SLC1A1: variants seen among roughly 807,000 people sequenced by gnomAD.
The protein encoded by SLC1A1 is solute carrier family 1 member 1.
Under a neutral mutation model 53.3 loss-of-function variants are expected in SLC1A1, and 43 were observed. The observed-to-expected ratio is 0.81, with a 90% CI of 0.63 to 1.04. SLC1A1 has a LOEUF of 1.04. Among genes scored for constraint, SLC1A1 ranks in the 50% least tolerant of loss-of-function variants. The probability of loss-of-function intolerance (pLI) is 0.00; values close to 1 mark genes in which losing one functional copy is unlikely to be tolerated. For missense variants in SLC1A1, 748 were observed against 664.9 expected (o/e 1.12, Z -1.37); for synonymous variants, 307 against 243.2 (o/e 1.26, Z -2.44).
intron 1 of SLC1A1, among the ~76,000 whole-genome samples, chr9:4,504,038 GC>G (rs1199940305): frequency 6.6e-6 from 1 of 152,172 alleles, no homozygotes; most frequent in Non-Finnish European, 1.5e-5. Flanking sequence ...CAGTTTTGAA[GC>G]CATTTTATTG....
intron 6 of SLC1A1, among the ~76,000 whole-genome samples, chr9:4,571,230 A>G (rs886234809): frequency 6.6e-6 from 1 of 152,160 alleles, no homozygotes; most frequent in East Asian, 1.9e-4. Context: ...GGGGCCTATC[A>G]GAGGGTAGAG....
intron 1 of SLC1A1, among the ~76,000 whole-genome samples, chr9:4,542,655 G>C (rs1414047125): frequency 6.6e-6 from 1 of 152,174 alleles, no homozygotes; most frequent in Non-Finnish European, 1.5e-5. Flanking sequence ...GTTTTTTAAA[G>C]TCCTGGGAAT....
chr9:4,561,343 T>A, intron 2 of SLC1A1, 106 bp from the exon 3 acceptor site: 1 of 781,728 alleles, frequency 1.3e-6, no homozygotes, highest in Admixed American at 1.7e-5. Flanking sequence ...TGTCTGTAGA[T>A]GAGAACGCCT....
At chr9:4,581,370 G>C (rs4742011) in intron 10 of SLC1A1, among the ~76,000 whole-genome samples, 6 of 152,086 alleles carry the variant, frequency 3.9e-5, no homozygotes, top group Non-Finnish European at 8.8e-5. Flanking sequence ...GCAGGAATAG[G>C]TTTTTATATT....
At chr9:4,515,365 A>T (rs1821128110) in intron 1 of SLC1A1, among the ~76,000 whole-genome samples, 1 of 152,114 alleles carries the variant, frequency 6.6e-6, no homozygotes. Context: ...GTACCAGGGG[A>T]CCCAGAATGA....
At chr9:4,522,018 C>T (rs374546541) in intron 1 of SLC1A1, among the ~76,000 whole-genome samples, 2 of 148,554 alleles carry the variant, frequency 1.3e-5, no homozygotes, top group African/African-American at 2.5e-5. Flanking sequence ...TCCAAGTATA[C>T]TTCTAATGAA....
At chr9:4,534,710 G>A (rs1291955096) in intron 1 of SLC1A1, among the ~76,000 whole-genome samples, 3 of 118,474 alleles carry the variant, frequency 2.5e-5, no homozygotes, top group African/African-American at 6.1e-5. Flanking sequence ...TAACTCATGA[G>A]GCCAGCATCA....
chr9:4,565,611 C>A (rs866314961), intron 4 of SLC1A1, among the ~76,000 whole-genome samples: 4 of 152,128 alleles, frequency 2.6e-5, no homozygotes, highest in Admixed American at 1.3e-4. Context: ...GAGAAACCAC[C>A]CCCCATGATC....
intron 2 of SLC1A1, among the ~76,000 whole-genome samples, chr9:4,559,230 C>T (rs934308451): frequency 1.3e-5 from 2 of 152,050 alleles, no homozygotes; most frequent in African/African-American, 4.8e-5. Context: ...TTTCTCAAAT[C>T]GAATAGAATC....
chr9:4,571,126 C>A (rs1161256952), intron 6 of SLC1A1, among the ~76,000 whole-genome samples: 1 of 152,124 alleles, frequency 6.6e-6, no homozygotes, highest in African/African-American at 2.4e-5. Context: ...CCAACTAACA[C>A]AGGAACAGAA....
At chr9:4,573,620 C>T (rs559810258) in intron 7 of SLC1A1, among the ~76,000 whole-genome samples, 11 of 152,204 alleles carry the variant, frequency 7.2e-5, no homozygotes, top group South Asian at 6.2e-4. Flanking sequence ...ACTAGGAACA[C>T]GGCATGAGGT....
At chr9:4,554,291 T>C (rs1818180723) in intron 2 of SLC1A1, 1 of 152,254 alleles carries the variant, frequency 6.6e-6, no homozygotes, top group Non-Finnish European at 1.5e-5. Flanking sequence ...AGTCATTCAA[T>C]CAGCATGTTT....
rs1564074868 is a variant in SLC1A1 at position 4,587,161 on chromosome 9, ATTG to A, written c.*1606_*1608del. On this transcript the variant is annotated 3_prime_UTR_variant, in exon 12 of 12. Coordinates refer to ENST00000262352, the MANE Select transcript of SLC1A1 (RefSeq NM_004170.6). ...GAAATCTACAACATAATGATACTGA[ATTG>A]TTATGTAAACATCATAAATAGTAAA... The A allele has an allele frequency of 2.6e-5, 4 of 152,666 alleles. No homozygotes were observed. Among genetic ancestry groups the A allele is most frequent in the African/African-American group, 9.6e-5 (4 of 41,460 alleles). The allele number at this position is 152,666 out of a possible 1,614,324, so 9.5% of individuals were successfully genotyped here. A position where few individuals can be genotyped will look rare whatever the true frequency, so the allele number is the denominator to read the frequency against.
rs759763963 is a variant in SLC1A1, at chr9:4,583,641, C to G, written c.1328+469C>G. Among the ~76,000 whole-genome samples, 1 of 152,140 alleles carries G rather than the reference C, an allele frequency of 6.6e-6. No individual in the cohort carries two copies. Among genetic ancestry groups the G allele is most frequent in the Non-Finnish European group, 1.5e-5 (1 of 68,032 alleles). On this transcript the variant is annotated intron_variant, in intron 11 of 11. Coordinates refer to ENST00000262352, the MANE Select transcript of SLC1A1 (RefSeq NM_004170.6). This position sits in a 1 kb window ranked among gnomAD's most constrained non-coding sequence, Gnocchi z 4.6. Reference sequence around the variant, plus strand: ...CTGTGTCTTACCAGCTTCTTGACCTCGAGCAAGTTTCCTTAACCTGAGGCC... The same window carrying G: ...CTGTGTCTTACCAGCTTCTTGACCTGGAGCAAGTTTCCTTAACCTGAGGCC...
chr9:4,512,628 C>T (rs1468496065), intron 1 of SLC1A1, among the ~76,000 whole-genome samples: 2 of 152,072 alleles, frequency 1.3e-5, no homozygotes. Context: ...ATATGGTTTT[C>T]AAGATATCAA....
intron 1 of SLC1A1, among the ~76,000 whole-genome samples, chr9:4,536,738 G>A (rs922026984): frequency 2.6e-5 from 4 of 152,188 alleles, no homozygotes; most frequent in African/African-American, 9.7e-5. Context: ...AAAGACACAT[G>A]CACATGTATG....
rs532280067 is a variant in SLC1A1 at position 4,536,438 on chromosome 9, A to G, written c.92-8129A>G. ...ATTTATGCAGCCAACAGACACATGA[A>G]AAAATGCTGATCATCACTGGTCATC... On this transcript the variant is annotated intron_variant, in intron 1 of 11. Coordinates refer to ENST00000262352, the MANE Select transcript of SLC1A1 (RefSeq NM_004170.6). 2.0e-5 allele frequency among the ~76,000 whole-genome samples: 3 copies of G among 152,366 alleles called. No homozygotes were observed. In the East Asian group the frequency reaches 5.8e-4, roughly 29 times the overall value.
At chr9:4,561,661 G>A (rs1370146813) in intron 3 of SLC1A1, 120 bp downstream of exon 3, 2 of 759,268 alleles carry the variant, frequency 2.6e-6, no homozygotes, top group African/African-American at 1.7e-5. Context: ...GGAGGCTGAT[G>A]TGGGCAGATC....
In SLC1A1 at chr9:4,519,789, C is replaced by G. The variant is rs150758562; in HGVS notation, c.92-24778C>G. ...GACATACTCAACTCCAGATAGGTGA[C>G]TCATGGAAATTTCTGCTGTGTCTTA... is the stretch of plus-strand genomic sequence containing the variant. On this transcript the variant is annotated intron_variant, in intron 1 of 11. Coordinates refer to ENST00000262352, the MANE Select transcript of SLC1A1 (RefSeq NM_004170.6). 9.9e-5 allele frequency among the ~76,000 whole-genome samples: 15 copies of G among 152,248 alleles called. No individual in the cohort carries two copies. The East Asian group carries it at 2.9e-3, about 29-fold the overall frequency.
Sources: allele counts gnomAD v4.1 joint callset (sites outside exome capture counted in the v4.1 genomes callset), GRCh38; gene constraint gnomAD v4.1.1; non-coding constraint Gnocchi (gnomAD v3.1); transcripts MANE v1.5; gene names NCBI Gene and HGNC (gene_info 2026-07-23, HGNC 2026-07-21).